Variants in ATG2B observed in about 807,000 individuals in gnomAD.
ATG2B encodes the protein autophagy-related protein 2 homolog B.
Under a neutral mutation model 241.3 loss-of-function variants are expected in ATG2B, and 121 were observed. The ratio of observed to expected loss-of-function variants is 0.50; its 90% CI spans 0.43 to 0.58. The LOEUF (loss-of-function observed/expected upper bound fraction) is 0.58. Ranked by LOEUF, ATG2B falls within the 20% of genes least tolerant of loss-of-function variation. The probability of loss-of-function intolerance (pLI) is 0.00; values close to 1 mark genes in which losing one functional copy is unlikely to be tolerated. For missense variants in ATG2B, 2,306 were observed against 2,491.6 expected (o/e 0.93, Z 1.59); for synonymous variants, 858 against 876.6 (o/e 0.98, Z 0.37).
In ATG2B at chr14:96,303,258, T is replaced by TCA; in HGVS notation, c.4843-4_4843-3insTG. On this transcript the variant is annotated splice_polypyrimidine_tract_variant and splice_region_variant and intron_variant, in intron 32 of 41. Transcript: ENST00000359933. ...TAGACTTCATGCTGAAACTTCACCT[T>TCA]AACGGGTAAGGAGGAAGAACGCGGA... is the stretch of plus-strand genomic sequence containing the variant. 6.4e-7 allele frequency: 1 copy of TCA among 1,555,852 alleles called. No homozygotes were observed. The highest frequency in any genetic ancestry group is 8.7e-7 in the Non-Finnish European group (1 of 1,147,876).
Position 96,295,530 on chromosome 14 carries a change from T to C in ATG2B, c.5170A>G (p.Thr1724Ala). The C allele has an allele frequency of 6.2e-7, 1 of 1,606,548 alleles. No individual in the cohort carries two copies. The highest frequency in any genetic ancestry group is 8.5e-7 in the Non-Finnish European group (1 of 1,177,430). Residue 1724 changes from threonine (T) to alanine (A), a missense_variant, in exon 35 of 42, where the codon ACA (threonine) becomes GCA (alanine). Coordinates refer to ENST00000359933, the MANE Select transcript of ATG2B (RefSeq NM_018036.7). ...AGCTCTACTTCTGCAGAAAGACTTGTGAAGAAATCCTTCAGGAAGAACAAA... is the reference window on the plus strand; with the variant it reads ...AGCTCTACTTCTGCAGAAAGACTTGCGAAGAAATCCTTCAGGAAGAACAAA... ...DALFFLKDFF[T>A]SLSAEVELQM...
intron 6 of ATG2B, 109 bp downstream of exon 6, chr14:96,341,413 A>G: frequency 1.2e-6 from 1 of 815,002 alleles, no homozygotes; most frequent in Non-Finnish European, 1.8e-6. Flanking sequence ...ACAGCAGTAC[A>G]CTAGTTACAG....
intron 10 of ATG2B, among the ~76,000 whole-genome samples, chr14:96,331,865 C>G (rs984888544): frequency 6.6e-6 from 1 of 152,022 alleles, no homozygotes; most frequent in Non-Finnish European, 1.5e-5. Context: ...ATGTACAAAC[C>G]AAGCTTTTAT....
rs149087645 is a variant in ATG2B at position 96,303,264 on chromosome 14, G to A, written c.4843-9C>T. The stretch of plus-strand genomic sequence containing the variant: ...TCATGCTGAAACTTCACCTTAACGG[G>A]TAAGGAGGAAGAACGCGGAACAGTT... On this transcript the variant is annotated splice_polypyrimidine_tract_variant and intron_variant, in intron 32 of 41. Transcript: ENST00000359933. 7,633 of 1,538,564 alleles carry A rather than the reference G, an allele frequency of 5.0e-3. 262 individuals are homozygous for A. In the South Asian group the frequency reaches 0.064, roughly 13 times the overall value.
In ATG2B at chr14:96,284,499, C is replaced by G. The variant is rs968747209; in HGVS notation, c.*1256G>C. The G allele has an allele frequency of 4.6e-5, 7 of 152,186 alleles. No individual in the cohort carries two copies. Among genetic ancestry groups the G allele is most frequent in the Admixed American group, 4.6e-4 (7 of 15,280 alleles). 9.4% of individuals were successfully genotyped at this position (152,186 alleles called of 1,614,324 possible). ...ATAATATTCCCCCAACTTTAGAAAACAGGAAGTCAGGTCATGCAACTTTCA... is the reference window on the plus strand; with the variant it reads ...ATAATATTCCCCCAACTTTAGAAAAGAGGAAGTCAGGTCATGCAACTTTCA... On this transcript the variant is annotated 3_prime_UTR_variant, in exon 42 of 42. Coordinates refer to ENST00000359933, the MANE Select transcript of ATG2B (RefSeq NM_018036.7).
At chr14:96,328,866 GGT>G in intron 12 of ATG2B, 100 bp from the exon 13 acceptor site, 2 of 864,948 alleles carry the variant, frequency 2.3e-6, no homozygotes, top group Non-Finnish European at 3.5e-6. Context: ...TCAGAAATCT[GGT>G]TTTAAGTTTC....
intron 25 of ATG2B, 50 bp downstream of exon 25, chr14:96,313,015 G>T: frequency 8.7e-7 from 1 of 1,143,838 alleles, no homozygotes; most frequent in Non-Finnish European, 1.3e-6. Flanking sequence ...ATATCAATTG[G>T]TATGTTTCGA....
chr14:96,351,965 G>C (rs1280494172), intron 1 of ATG2B, among the ~76,000 whole-genome samples: 1 of 150,844 alleles, frequency 6.6e-6, no homozygotes, highest in Non-Finnish European at 1.5e-5. Flanking sequence ...ATACTGTTTT[G>C]ATCAACTATA....
chr14:96,308,264 A>ATATATATATATATG (rs1566719856), intron 29 of ATG2B, among the ~76,000 whole-genome samples: 9 of 12,620 alleles, frequency 7.1e-4, no homozygotes, highest in African/African-American at 2.8e-3. Context: ...ACACATATAT[A>ATATATATATATATG]TATATATATA....
In ATG2B at chr14:96,331,360, A is replaced by G. The variant is rs190173546; in HGVS notation, c.1730+16T>C. ...TGGAAGTTTAAAGGATCATTAATAC[A>G]TATGTGAGAGTTTACCTAAGGTGAT... is the stretch of plus-strand genomic sequence containing the variant. On this transcript the variant is annotated intron_variant, in intron 11 of 41. Coordinates refer to ENST00000359933, the MANE Select transcript of ATG2B (RefSeq NM_018036.7). 1,234 of 1,600,440 alleles carry G rather than the reference A, an allele frequency of 7.7e-4. 11 individuals are homozygous for G. In the African/African-American group the frequency reaches 0.014, roughly 18 times the overall value.
At chr14:96,300,199 T>C (rs141409767) in intron 34 of ATG2B, among the ~76,000 whole-genome samples, 11 of 152,274 alleles carry the variant, frequency 7.2e-5, no homozygotes, top group African/African-American at 2.6e-4. Context: ...TAAGAAATTG[T>C]GTTCAATATT....
chr14:96,295,906 G>A (rs1886626878), intron 34 of ATG2B, among the ~76,000 whole-genome samples: 3 of 152,190 alleles, frequency 2.0e-5, no homozygotes, highest in African/African-American at 7.2e-5. Context: ...TCTCACTCTT[G>A]GCCCTGGCTC....
chr14:96,306,444 A>G (rs1332508220), intron 30 of ATG2B, among the ~76,000 whole-genome samples: 1 of 152,116 alleles, frequency 6.6e-6, no homozygotes, highest in East Asian at 1.9e-4. Flanking sequence ...TAATTTCACG[A>G]TCCTTGAATA....
At chr14:96,355,263 CT>C (rs1221973743) in intron 1 of ATG2B, among the ~76,000 whole-genome samples, 8 of 152,068 alleles carry the variant, frequency 5.3e-5, no homozygotes, top group Non-Finnish European at 8.8e-5. Context: ...GTTTTTATAG[CT>C]TGGGGTTTTA....
intron 6 of ATG2B, among the ~76,000 whole-genome samples, chr14:96,336,240 TA>T (rs1887866058): frequency 6.6e-6 from 1 of 152,100 alleles, no homozygotes; most frequent in African/African-American, 2.4e-5. Context: ...AGAAAGAGAT[TA>T]AAGATCTGAC....
intron 20 of ATG2B, 140 bp downstream of exon 20, chr14:96,317,005 T>A: frequency 2.4e-6 from 2 of 823,992 alleles, no homozygotes; most frequent in Non-Finnish European, 3.7e-6. Flanking sequence ...ATCATCATGG[T>A]TTGCCCCAGG....
At chr14:96,294,063 C>T (rs1886562095) in intron 36 of ATG2B, among the ~76,000 whole-genome samples, 1 of 152,162 alleles carries the variant, frequency 6.6e-6, no homozygotes, top group African/African-American at 2.4e-5. Context: ...TCATCTATTC[C>T]AAGATCTTTC....
chr14:96,341,669 GT>G lies in ATG2B; in HGVS notation c.776del (p.Asn259ThrfsTer12). The part of the protein sequence containing the change: ...ETEPKLSPSW[N>X]PKIIYEPHPQ... ...GGTGTGGCTCATAAATAATTTTGGG[GT>G]TCCAGCTAGGTGAGAGCTTTGGCTC... On this transcript the variant is annotated frameshift_variant, in exon 6 of 42. Transcript: ENST00000359933. LOFTEE classifies it high-confidence loss of function. The G allele has an allele frequency of 6.3e-7, 1 of 1,588,264 alleles. No individual in the cohort carries two copies. Among genetic ancestry groups the G allele is most frequent in the Non-Finnish European group, 8.6e-7 (1 of 1,165,026 alleles).
At chr14:96,341,426 T>A in intron 6 of ATG2B, 96 bp downstream of exon 6, 1 of 933,560 alleles carries the variant, frequency 1.1e-6, no homozygotes, top group Non-Finnish European at 1.5e-6. Flanking sequence ...AGTTACAGGA[T>A]AATCTGCAGT....
Sources: allele counts gnomAD v4.1 joint callset (sites outside exome capture counted in the v4.1 genomes callset), GRCh38; gene constraint gnomAD v4.1.1; transcripts MANE v1.5; gene names NCBI Gene and HGNC (gene_info 2026-07-23, HGNC 2026-07-21).